The following SLC24A2 variants were observed in gnomAD, a reference collection of about 807,000 sequenced individuals.
SLC24A2 encodes solute carrier family 24 member 2, also known as sodium/potassium/calcium exchanger 2.
In SLC24A2, 36 loss-of-function variants were observed where a neutral mutation model predicts 62.0. That is an observed-to-expected ratio of 0.58 (90% CI 0.44 to 0.77). The LOEUF (loss-of-function observed/expected upper bound fraction) is 0.77. SLC24A2 is among the 30% of genes least tolerant of loss of function. The pLI is 0.00. For synonymous variants in SLC24A2, 358 were observed against 294.0 expected (o/e 1.22, Z -2.23); for missense variants, 846 against 817.9 (o/e 1.03, Z -0.42).
chr9:20,033,683 G>A, the SLC24A2 span, among the ~76,000 whole-genome samples: 3 of 152,198 alleles, frequency 2.0e-5, no homozygotes, highest in African/African-American at 7.2e-5. Flanking sequence ...CCAGTGCCCT[G>A]ACGGTTTAAG....
intron 8 of SLC24A2, among the ~76,000 whole-genome samples, chr9:19,529,537 G>C (rs952644696): frequency 1.3e-5 from 2 of 152,048 alleles, no homozygotes; most frequent in Admixed American, 6.6e-5. Flanking sequence ...ATGACTGTAA[G>C]ACCAAGCAGG....
chr9:19,516,963 T>G (rs1006932207), intron 10 of SLC24A2, among the ~76,000 whole-genome samples: 1 of 152,202 alleles, frequency 6.6e-6, no homozygotes, highest in African/African-American at 2.4e-5. Flanking sequence ...TGTTGACAAT[T>G]GTTTGATGAA....
the SLC24A2 span, among the ~76,000 whole-genome samples, chr9:20,068,188 G>T: frequency 2.0e-5 from 3 of 149,452 alleles, no homozygotes; most frequent in Non-Finnish European, 4.4e-5. Context: ...TCCATCTCCT[G>T]AGTAGCTGGG....
At chr9:19,828,429 C>T in the SLC24A2 span, among the ~76,000 whole-genome samples, 1 of 151,982 alleles carries the variant, frequency 6.6e-6, no homozygotes, top group African/African-American at 2.4e-5. Context: ...ACCCATACAA[C>T]TATTATTTAC....
the SLC24A2 span, among the ~76,000 whole-genome samples, chr9:19,841,822 G>A: frequency 1.3e-5 from 2 of 152,068 alleles, no homozygotes; most frequent in Non-Finnish European, 2.9e-5. Context: ...ATAATCAGGG[G>A]GGCATAATTA....
intron 2 of SLC24A2, among the ~76,000 whole-genome samples, chr9:19,783,585 AT>A (rs1458945408): frequency 6.6e-6 from 1 of 152,188 alleles, no homozygotes; most frequent in Admixed American, 6.5e-5. Context: ...TTAAAATCAC[AT>A]TCAGAGATGT....
chr9:19,592,537 C>CCTAT (rs1476350633), intron 5 of SLC24A2, among the ~76,000 whole-genome samples: 37 of 109,984 alleles, frequency 3.4e-4, no homozygotes, highest in Admixed American at 2.9e-4. Context: ...TACCTACCTA[C>CCTAT]CTACCTATCT....
the SLC24A2 span, among the ~76,000 whole-genome samples, chr9:19,910,912 A>C: frequency 0.048 from 6,626 of 138,880 alleles, 255 homozygotes; most frequent in East Asian, 0.21. Context: ...CTTTTCTTTT[A>C]TTTTTTATTT....
intron 3 of SLC24A2, among the ~76,000 whole-genome samples, chr9:19,621,836 T>C (rs1313541300): frequency 2.0e-5 from 3 of 152,204 alleles, no homozygotes; most frequent in African/African-American, 7.2e-5. Context: ...ATAGGTCTCA[T>C]GCAGCATTTC....
chr9:20,077,758 C>T, the SLC24A2 span, among the ~76,000 whole-genome samples: 2 of 152,178 alleles, frequency 1.3e-5, no homozygotes, highest in Admixed American at 6.5e-5. Context: ...TAGTTGCAAG[C>T]TTGACAACTC....
the SLC24A2 span, among the ~76,000 whole-genome samples, chr9:19,832,493 C>G: frequency 2.0e-5 from 3 of 152,126 alleles, no homozygotes; most frequent in East Asian, 1.9e-4. Context: ...AATGGGGAAA[C>G]GATTCCCTAT....
At chr9:19,598,165 T>C (rs1464420985) in intron 4 of SLC24A2, among the ~76,000 whole-genome samples, 2 of 152,242 alleles carry the variant, frequency 1.3e-5, no homozygotes, top group African/African-American at 4.8e-5. Flanking sequence ...CTGAAAATTC[T>C]AGATTGTTTT....
At chr9:19,598,660 A>G (rs1450457284) in intron 4 of SLC24A2, among the ~76,000 whole-genome samples, 1 of 152,038 alleles carries the variant, frequency 6.6e-6, no homozygotes, top group Non-Finnish European at 1.5e-5. Flanking sequence ...CAGTGAAAAA[A>G]ATATATACAT....
the SLC24A2 span, among the ~76,000 whole-genome samples, chr9:20,074,604 AAGAAG>A: frequency 4.7e-5 from 2 of 42,414 alleles, no homozygotes; most frequent in Non-Finnish European, 4.6e-5. Context: ...GAAGGAAGGA[AAGAAG>A]GGAGTGAGGG....
At chr9:19,988,355 C>A in the SLC24A2 span, among the ~76,000 whole-genome samples, 2 of 152,116 alleles carry the variant, frequency 1.3e-5, no homozygotes, top group East Asian at 3.9e-4. Context: ...CCCTCTAGAC[C>A]CACAATGACC....
At chr9:19,791,608 G>C (rs904807250), upstream of SLC24A2, among the ~76,000 whole-genome samples, 2 of 152,210 alleles carry the variant, frequency 1.3e-5, no homozygotes, top group African/African-American at 4.8e-5. Context: ...CATCCTGGTA[G>C]TAATGGAGAA....
chr9:19,611,493 A>G (rs951897048), intron 4 of SLC24A2, among the ~76,000 whole-genome samples: 2 of 151,678 alleles, frequency 1.3e-5, no homozygotes, highest in African/African-American at 4.8e-5. Flanking sequence ...GGAAAGGCGG[A>G]AGGAGGTAGA....
chr9:19,866,052 C>T, the SLC24A2 span, among the ~76,000 whole-genome samples: 1 of 152,078 alleles, frequency 6.6e-6, no homozygotes, highest in East Asian at 1.9e-4. Flanking sequence ...TAGAATGGAC[C>T]TTTCTCAAAA....
chr9:20,107,282 T>C, the SLC24A2 span, among the ~76,000 whole-genome samples: 7 of 152,064 alleles, frequency 4.6e-5, no homozygotes, highest in African/African-American at 1.7e-4. Flanking sequence ...AGGTAATTTA[T>C]AGATTCAATG....
Sources: gnomAD v4.1 joint callset for allele counts (sites outside exome capture counted in the v4.1 genomes callset) on GRCh38, gnomAD v4.1.1 for gene constraint, MANE v1.5 for transcripts, NCBI Gene and HGNC (gene_info 2026-07-23, HGNC 2026-07-21) for gene names.